Variants in KIF3C observed in about 807,000 individuals in gnomAD.
The protein encoded by KIF3C is kinesin-like protein KIF3C.
KIF3C carries 12 observed loss-of-function variants against 67.7 expected under a neutral mutation model. That is an observed-to-expected ratio of 0.18 (90% CI 0.11 to 0.29). The LOEUF (loss-of-function observed/expected upper bound fraction) is 0.29, where lower values mean the gene tolerates loss of function less well. KIF3C is among the 10% of genes least tolerant of loss of function. KIF3C has a pLI of 1.00. For synonymous variants in KIF3C, 393 were observed against 426.2 expected (o/e 0.92, Z 0.96); for missense variants, 789 against 1,059.6 (o/e 0.74, Z 3.55).
At position 25,960,284 on chromosome 2, in the gene KIF3C, G is replaced by C. The variant is rs186905578; in HGVS notation, c.1546-3840C>G. 6.6e-5 allele frequency among the ~76,000 whole-genome samples: 10 copies of C among 152,226 alleles called. No individual in the cohort carries two copies. The East Asian group carries it at 1.9e-3, about 29-fold the overall frequency. On this transcript the variant is annotated intron_variant, in intron 1 of 7. Transcript: ENST00000264712. ...ATAAGAAATTCAGACCTAGTGAATT[G>C]AGATCCATATTGTACTGAGATTCCC...
At position 25,951,178 on chromosome 2, in the gene KIF3C, T is replaced by C. The variant is rs931421604; in HGVS notation, c.2006+611A>G. Reference sequence around the variant, plus strand: ...CCTCACTCTGTTGGGATGTTCTTCATGGCCACCAGCAGAGGGAGCCACACA... The same window carrying C: ...CCTCACTCTGTTGGGATGTTCTTCACGGCCACCAGCAGAGGGAGCCACACA... On this transcript the variant is annotated intron_variant, in intron 5 of 7. Coordinates refer to ENST00000264712, the MANE Select transcript of KIF3C (RefSeq NM_002254.8). Among the ~76,000 whole-genome samples, 43 of 152,248 alleles carry C rather than the reference T, an allele frequency of 2.8e-4. 1 individual carries two copies. Among genetic ancestry groups the C allele is most frequent in the African/African-American group, 9.1e-4 (38 of 41,550 alleles).
chr2:25,951,956 C>T (rs1299577466), intron 4 of KIF3C, 51 bp from the exon 5 acceptor site: 22 of 1,241,136 alleles, frequency 1.8e-5, no homozygotes, highest in East Asian at 9.3e-5. Flanking sequence ...CGAGAGACCA[C>T]GTGGTGCATG....
At chr2:25,961,877 G>A (rs1393628285) in intron 1 of KIF3C, among the ~76,000 whole-genome samples, 2 of 151,844 alleles carry the variant, frequency 1.3e-5, no homozygotes, top group African/African-American at 4.8e-5. Flanking sequence ...TTGAACCCGA[G>A]GCGGAGGTTG....
chr2:25,927,185 C>T lies in KIF3C; in HGVS notation c.*1793G>A, dbSNP rs149718248. 4 of 152,760 alleles carry T rather than the reference C, an allele frequency of 2.6e-5. No individual in the cohort carries two copies. The highest frequency in any genetic ancestry group is 2.1e-4 in the South Asian group (1 of 4,834). The allele number at this position is 152,760 out of a possible 1,614,324, so 9.5% of individuals were successfully genotyped here. ...GAGGTGTGACAAGACAATGCAAAGG[C>T]GATGTGTCCAAGTGATGAATGAGGT... On this transcript the variant is annotated 3_prime_UTR_variant, in exon 8 of 8. Coordinates refer to ENST00000264712, the MANE Select transcript of KIF3C (RefSeq NM_002254.8).
Position 25,955,630 on chromosome 2 carries a change from T to A in KIF3C, c.1681A>T (p.Met561Leu). ...TCCATAGTCTCCTCGTCCCGGAGCA[T>A]CATCTCCTGCTGCATCTCCCGCTCA... Reference protein sequence around the residue: ...RREREMQQEMMLRDEETMELR... With the variant: ...RREREMQQEMLLRDEETMELR... The change falls in exon 3 of 8, where the codon ATG (methionine) becomes TTG (leucine). Residue 561 changes from methionine to leucine, a missense_variant. Coordinates refer to ENST00000264712, the MANE Select transcript of KIF3C (RefSeq NM_002254.8). The surrounding 1 kb of genome is among the most constrained non-coding windows in gnomAD (Gnocchi z 5.0). The A allele has an allele frequency of 6.2e-7, 1 of 1,614,078 alleles. No individual in the cohort carries two copies. Among genetic ancestry groups the A allele is most frequent in the Non-Finnish European group, 8.5e-7 (1 of 1,180,002 alleles).
rs968963271 is a variant in KIF3C at position 25,928,244 on chromosome 2, T to G, written c.*734A>C. The G allele has an allele frequency of 5.9e-5, 9 of 152,212 alleles. No individual in the cohort carries two copies. The highest frequency in any genetic ancestry group is 4.6e-4 in the Admixed American group (7 of 15,264). 9.4% of individuals were successfully genotyped at this position (152,212 alleles called of 1,614,324 possible). ...TTGATGACTGTTCAAGTTGTCTCAA[T>G]TGCTGTTCCATTTCCTGCAGGTTCC... is the stretch of plus-strand genomic sequence containing the variant. On this transcript the variant is annotated 3_prime_UTR_variant, in exon 8 of 8. Coordinates refer to ENST00000264712, the MANE Select transcript of KIF3C (RefSeq NM_002254.8).
intron 5 of KIF3C, among the ~76,000 whole-genome samples, chr2:25,937,488 C>A (rs980562206): frequency 6.6e-6 from 1 of 152,112 alleles, no homozygotes; most frequent in Non-Finnish European, 1.5e-5. Flanking sequence ...GGAGAGGCAG[C>A]CTCAGTGGCA....
At chr2:25,973,354 G>C (rs1664327797) in intron 1 of KIF3C, among the ~76,000 whole-genome samples, 1 of 152,086 alleles carries the variant, frequency 6.6e-6, no homozygotes, top group Non-Finnish European at 1.5e-5. Context: ...AGGAGCTCAA[G>C]ACCAGCCCGG....
intron 5 of KIF3C, among the ~76,000 whole-genome samples, chr2:25,937,938 C>A (rs1323178561): frequency 6.6e-6 from 1 of 151,266 alleles, no homozygotes; most frequent in Non-Finnish European, 1.5e-5. Flanking sequence ...ACCTGTAGTC[C>A]CAGCTATTCA....
intron 4 of KIF3C, among the ~76,000 whole-genome samples, chr2:25,952,279 C>T (rs984164734): frequency 9.3e-5 from 14 of 151,132 alleles, no homozygotes; most frequent in South Asian, 4.2e-4. Context: ...CCAGCCTGGG[C>T]GACAGAGTGA....
rs1387464948 is a variant in KIF3C, at chr2:25,980,157, G to A, written c.1545+216C>T. Reference sequence around the variant, plus strand: ...CTGGCTTGAGAGACCGCCTGTCCACGTTGCTTCGTGTGTGTGTGCCTGTGC... The same window carrying A: ...CTGGCTTGAGAGACCGCCTGTCCACATTGCTTCGTGTGTGTGTGCCTGTGC... On this transcript the variant is annotated intron_variant, in intron 1 of 7. Coordinates refer to ENST00000264712, the MANE Select transcript of KIF3C (RefSeq NM_002254.8). The surrounding 1 kb of genome is among the most constrained non-coding windows in gnomAD (Gnocchi z 7.6). Among the ~76,000 whole-genome samples the A allele has an allele frequency of 1.3e-5, 2 of 152,162 alleles. No individual in the cohort carries two copies. Among genetic ancestry groups the A allele is most frequent in the African/African-American group, 2.4e-5 (1 of 41,436 alleles).
intron 1 of KIF3C, among the ~76,000 whole-genome samples, chr2:25,965,740 G>T (rs1388430417): frequency 6.6e-6 from 1 of 151,830 alleles, no homozygotes; most frequent in East Asian, 1.9e-4. Context: ...TGAGAATGTG[G>T]AGTTCCTAGT....
chr2:25,975,026 CAA>C (rs1196962529), intron 1 of KIF3C, among the ~76,000 whole-genome samples: 4 of 116,474 alleles, frequency 3.4e-5, no homozygotes, highest in Non-Finnish European at 1.8e-5. Flanking sequence ...AACTCCATCT[CAA>C]AAAAAAAAAA....
chr2:25,941,719 C>T (rs558924579), intron 5 of KIF3C, among the ~76,000 whole-genome samples: 2 of 152,170 alleles, frequency 1.3e-5, no homozygotes, highest in African/African-American at 4.8e-5. Flanking sequence ...GTAGTGAGAC[C>T]TCATCTCTAA....
chr2:25,972,052 T>C (rs1483270010), intron 1 of KIF3C, among the ~76,000 whole-genome samples: 2 of 151,798 alleles, frequency 1.3e-5, no homozygotes, highest in South Asian at 2.1e-4. Flanking sequence ...CATTCAAACA[T>C]GCCACCTGGT....
chr2:25,953,330 A>AT (rs1021050469), intron 4 of KIF3C, among the ~76,000 whole-genome samples: 26 of 152,032 alleles, frequency 1.7e-4, no homozygotes, highest in African/African-American at 6.3e-4. Flanking sequence ...ATATACACAC[A>AT]TTTTTTAAAA....
At chr2:25,931,680 C>CA (rs1312169382) in intron 5 of KIF3C, among the ~76,000 whole-genome samples, 2 of 151,986 alleles carry the variant, frequency 1.3e-5, no homozygotes, top group African/African-American at 4.8e-5. Flanking sequence ...CTCTGTCACC[C>CA]AGGCTGGAGT....
In KIF3C at chr2:25,980,424, C is replaced by T. The variant is rs1180303838; in HGVS notation, c.1494G>A (p.Glu498=). The stretch of plus-strand genomic sequence containing the variant: ...TGGCCTGCTGTTCCCGCCGCAGGTC[C>T]TCCAGCATCTTCTCCTTCTCCTCCA... ...KLLEEKEKML[E]DLRREQQATE... The change falls in exon 1 of 8, where the codon GAG becomes GAA. Residue 498 remains glutamate, a synonymous_variant. Coordinates refer to ENST00000264712, the MANE Select transcript of KIF3C (RefSeq NM_002254.8). The surrounding 1 kb of genome is among the most constrained non-coding windows in gnomAD (Gnocchi z 7.6). 1 of 1,614,036 alleles carries T rather than the reference C, an allele frequency of 6.2e-7. No individual in the cohort carries two copies. Among genetic ancestry groups the T allele is most frequent in the African/African-American group, 1.3e-5 (1 of 74,938 alleles).
At chr2:25,952,549 GTATA>G (rs796400757) in intron 4 of KIF3C, among the ~76,000 whole-genome samples, 3,521 of 68,054 alleles carry the variant, frequency 0.052, 121 homozygotes, top group African/African-American at 0.17. Flanking sequence ...GTGTGTGTGT[GTATA>G]TATATATATA....
Sources: gnomAD v4.1 joint callset for allele counts (sites outside exome capture counted in the v4.1 genomes callset) on GRCh38, gnomAD v4.1.1 for gene constraint, Gnocchi (gnomAD v3.1) non-coding constraint, MANE v1.5 for transcripts, NCBI Gene and HGNC (gene_info 2026-07-23, HGNC 2026-07-21) for gene names.